Variants in AUTS2 observed in about 807,000 individuals in gnomAD.
The protein encoded by AUTS2 is activator of transcription and developmental regulator AUTS2.
In AUTS2, 17 loss-of-function variants were observed where a neutral mutation model predicts 112.4. That is an observed-to-expected ratio of 0.15 (90% confidence interval 0.10 to 0.23). The LOEUF (loss-of-function observed/expected upper bound fraction) is 0.23. Ranked by LOEUF, AUTS2 falls within the 10% of genes least tolerant of loss-of-function variation. AUTS2 has a pLI of 1.00. For missense variants in AUTS2, 1,510 were observed against 1,701.6 expected (o/e 0.89, Z 1.98); for synonymous variants, 751 against 702.7 (o/e 1.07, Z -1.09).
At chr7:70,520,936 G>A (rs1044588353) in intron 5 of AUTS2, among the ~76,000 whole-genome samples, 2 of 152,078 alleles carry the variant, frequency 1.3e-5, no homozygotes, top group African/African-American at 4.8e-5. Flanking sequence ...CAATCTTTCT[G>A]GTGCTTCCTT....
chr7:69,617,847 C>G (rs1011136400), intron 1 of AUTS2, among the ~76,000 whole-genome samples: 1 of 152,154 alleles, frequency 6.6e-6, no homozygotes, highest in African/African-American at 2.4e-5. Context: ...TGCTTCAAGA[C>G]TCTACAGAAT....
At chr7:70,373,973 A>T (rs991401882) in intron 4 of AUTS2, among the ~76,000 whole-genome samples, 5 of 152,130 alleles carry the variant, frequency 3.3e-5, no homozygotes, top group African/African-American at 1.2e-4. Flanking sequence ...TAATGATTGT[A>T]GTGTGTATGT....
At chr7:69,994,028 A>G (rs1798846857) in intron 2 of AUTS2, among the ~76,000 whole-genome samples, 1 of 152,152 alleles carries the variant, frequency 6.6e-6, no homozygotes, top group Non-Finnish European at 1.5e-5. Flanking sequence ...ATGGTTGTAT[A>G]CATGGCCGTG....
In AUTS2 at chr7:70,789,309, T is replaced by C. The variant is rs571420225; in HGVS notation, c.2532-439T>C. On this transcript the variant is annotated intron_variant, in intron 18 of 18. Coordinates refer to ENST00000342771, the MANE Select transcript of AUTS2 (RefSeq NM_015570.4). ...TTCCACTGGTTCAGTGTTGCAAAGT[T>C]GGAAGAAAAGTGATACTGGGCGTTG... 7.9e-4 allele frequency among the ~76,000 whole-genome samples: 121 copies of C among 152,318 alleles called. 2 individuals carry two copies. The Middle Eastern group carries it at 0.01, about 13-fold the overall frequency.
intron 1 of AUTS2, among the ~76,000 whole-genome samples, chr7:69,897,505 T>C (rs186863855): frequency 4.1e-5 from 6 of 148,008 alleles, no homozygotes; most frequent in African/African-American, 1.5e-4. Flanking sequence ...TCATGAGGGT[T>C]CCACCCTCAT....
chr7:69,631,020 G>C (rs530310921), intron 1 of AUTS2, among the ~76,000 whole-genome samples: 11 of 151,990 alleles, frequency 7.2e-5, no homozygotes, highest in African/African-American at 2.7e-4. Context: ...ATAGGGCATT[G>C]GTCATTTTAA....
rs568901835 is a variant in AUTS2, at chr7:70,354,996, A to G, written c.661-80756A>G. Among the ~76,000 whole-genome samples the G allele has an allele frequency of 4.1e-3, 512 of 126,154 alleles. 2 individuals carry two copies. The highest frequency in any genetic ancestry group is 6.9e-3 in the Non-Finnish European group (395 of 57,310). 82.8% of individuals were successfully genotyped at this position (126,154 alleles called of 152,430 possible). ...TGTGTATGTATGGGTGTGTGTGTGTATGGGTGTGTGTGTATGTATGTGTGT... is the reference window on the plus strand; with the variant it reads ...TGTGTATGTATGGGTGTGTGTGTGTGTGGGTGTGTGTGTATGTATGTGTGT... On this transcript the variant is annotated intron_variant, in intron 4 of 18. Transcript: ENST00000342771.
At chr7:69,868,505 C>T (rs1476020762) in intron 1 of AUTS2, among the ~76,000 whole-genome samples, 1 of 152,100 alleles carries the variant, frequency 6.6e-6, no homozygotes, top group Admixed American at 6.6e-5. Flanking sequence ...GACTAGCTTC[C>T]CTCTGTCACC....
At chr7:70,344,921 G>A (rs549982003) in intron 4 of AUTS2, among the ~76,000 whole-genome samples, 9 of 152,266 alleles carry the variant, frequency 5.9e-5, no homozygotes, top group South Asian at 4.1e-4. Context: ...TCCTCTGGCC[G>A]CCTGTTGTAC....
At chr7:70,540,106 C>T (rs896874821) in intron 5 of AUTS2, among the ~76,000 whole-genome samples, 1 of 152,082 alleles carries the variant, frequency 6.6e-6, no homozygotes, top group Non-Finnish European at 1.5e-5. Flanking sequence ...CTCTTGGCAC[C>T]CTGCCTTCCA....
chr7:70,075,022 A>G (rs1178575786), intron 2 of AUTS2, among the ~76,000 whole-genome samples: 1 of 152,146 alleles, frequency 6.6e-6, no homozygotes, highest in Admixed American at 6.5e-5. Context: ...TCATTAGATA[A>G]TTCAGATTTC....
rs1805261486 is a variant in AUTS2 at position 70,631,571 on chromosome 7, G to A, written c.691-66998G>A. On this transcript the variant is annotated intron_variant, in intron 5 of 18. Coordinates refer to ENST00000342771, the MANE Select transcript of AUTS2 (RefSeq NM_015570.4). The surrounding 1 kb of genome is among the most constrained non-coding windows in gnomAD (Gnocchi z 4.5). ...CCCAGTGGTGGCCCCGAGGCCACAGGTTCTGTCCCAGATGTTCTCAGCACC... is the reference window on the plus strand; with the variant it reads ...CCCAGTGGTGGCCCCGAGGCCACAGATTCTGTCCCAGATGTTCTCAGCACC... 6.6e-6 allele frequency among the ~76,000 whole-genome samples: 1 copy of A among 152,142 alleles called. No individual in the cohort carries two copies. The highest frequency in any genetic ancestry group is 1.5e-5 in the Non-Finnish European group (1 of 68,032).
intron 4 of AUTS2, among the ~76,000 whole-genome samples, chr7:70,401,692 T>G (rs1459957922): frequency 6.6e-6 from 1 of 152,044 alleles, no homozygotes; most frequent in Non-Finnish European, 1.5e-5. Context: ...GCTGCAGAGG[T>G]GGGAGGAGAC....
At chr7:69,850,169 T>C in intron 1 of AUTS2, among the ~76,000 whole-genome samples, 1 of 151,338 alleles carries the variant, frequency 6.6e-6, no homozygotes, top group Non-Finnish European at 1.5e-5. Flanking sequence ...CGTAGTGGCA[T>C]GCGCCTGTAG....
At chr7:70,752,280 C>T (rs927227305) in intron 6 of AUTS2, among the ~76,000 whole-genome samples, 2 of 152,022 alleles carry the variant, frequency 1.3e-5, no homozygotes, top group African/African-American at 4.8e-5. Context: ...AAAAGTGGGG[C>T]CGTGTCTTTA....
chr7:70,465,328 C>T (rs1440500945), intron 5 of AUTS2, among the ~76,000 whole-genome samples: 1 of 152,156 alleles, frequency 6.6e-6, no homozygotes, highest in Non-Finnish European at 1.5e-5. Flanking sequence ...TGCCTGAAAC[C>T]TCTCAGTAGG....
At chr7:70,703,407 G>C (rs10254837) in intron 6 of AUTS2, among the ~76,000 whole-genome samples, 1 of 145,130 alleles carries the variant, frequency 6.9e-6, no homozygotes, top group Admixed American at 7.3e-5. Flanking sequence ...GAGGTGAGAG[G>C]ATCACTTGGG....
At chr7:69,832,040 C>T (rs893727167) in intron 1 of AUTS2, among the ~76,000 whole-genome samples, 1 of 152,090 alleles carries the variant, frequency 6.6e-6, no homozygotes, top group Non-Finnish European at 1.5e-5. Context: ...TCCTTTGAAC[C>T]TATGGTAATC....
chr7:70,217,617 C>T (rs1811239524), intron 4 of AUTS2, among the ~76,000 whole-genome samples: 1 of 152,180 alleles, frequency 6.6e-6, no homozygotes, highest in Admixed American at 6.5e-5. Context: ...GGAAGGTCGA[C>T]ATGAGGTAAA....
Sources: gnomAD v4.1 joint callset for allele counts (sites outside exome capture counted in the v4.1 genomes callset) on GRCh38, gnomAD v4.1.1 for gene constraint, Gnocchi (gnomAD v3.1) non-coding constraint, MANE v1.5 for transcripts, NCBI Gene and HGNC (gene_info 2026-07-23, HGNC 2026-07-21) for gene names.